The following PTPRH variants were observed in gnomAD, a reference collection of about 807,000 sequenced individuals.
PTPRH encodes the protein protein tyrosine phosphatase receptor type H, also known as receptor-type tyrosine-protein phosphatase H.
In PTPRH, 113 loss-of-function variants were observed where a neutral mutation model predicts 130.2. The observed-to-expected ratio is 0.87, with a 90% CI of 0.75 to 1.01. PTPRH has a LOEUF of 1.01. Ranked by LOEUF, PTPRH falls within the 50% of genes least tolerant of loss-of-function variation. PTPRH has a pLI of 0.00. For synonymous variants in PTPRH, 556 were observed against 577.9 expected, an observed-to-expected ratio of 0.96 and a Z score of 0.54; for missense variants, 1,430 against 1,425.0, an observed-to-expected ratio of 1.00 and a Z score of -0.06.
Position 55,181,787 on chromosome 19 carries a change from C to T in PTPRH, c.3315G>A (p.Val1105=). 6.2e-7 allele frequency: 1 copy of T among 1,614,162 alleles called. No individual in the cohort carries two copies. The highest frequency in any genetic ancestry group is 8.5e-7 in the Non-Finnish European group (1 of 1,180,038). The stretch of plus-strand genomic sequence containing the variant: ...CCAACTTGTGGGCCTGGATGGCGGC[C>T]ACGTTCTCGTAGATGAGGTTTTCGA... ...EDVENLIYEN[V]AAIQAHKLEV is the part of the protein sequence containing the mutation. The change falls in exon 20 of 20, where the codon GTG becomes GTA. Residue 1105 remains valine, a synonymous_variant. Coordinates refer to ENST00000376350, the MANE Select transcript of PTPRH (RefSeq NM_002842.5).
chr19:55,187,717 C>A, intron 13 of PTPRH, 114 bp from the exon 14 acceptor site: 1 of 755,808 alleles, frequency 1.3e-6, no homozygotes, highest in South Asian at 1.5e-5. Context: ...ATTCGTTGCA[C>A]CCTGAGATTA....
At chr19:55,206,323 C>G (rs544938048) in intron 3 of PTPRH, among the ~76,000 whole-genome samples, 68 of 136,854 alleles carry the variant, frequency 5.0e-4, no homozygotes, top group African/African-American at 9.6e-4. Context: ...CTTTTGTTTT[C>G]TTTTCTTTTT....
At chr19:55,191,793 T>C (rs2086545978) in intron 10 of PTPRH, 52 bp from the exon 11 acceptor site, 2 of 1,483,024 alleles carry the variant, frequency 1.3e-6, no homozygotes, top group Non-Finnish European at 1.9e-6. Context: ...GAGCTGCTCA[T>C]CTGTCTCCAA....
At chr19:55,197,562 G>C (rs946341351) in intron 8 of PTPRH, 146 bp from the exon 9 acceptor site, 1 of 743,138 alleles carries the variant, frequency 1.3e-6, no homozygotes, top group Non-Finnish European at 2.2e-6. Context: ...AAAGAGTCTA[G>C]ATACCCAAAG....
chr19:55,185,979 C>G lies in PTPRH; in HGVS notation c.2784G>C (p.Lys928Asn). The change falls in exon 17 of 20, where the codon AAG (lysine) becomes AAC (asparagine). Residue 928 changes from lysine to asparagine, a missense_variant. By Grantham distance (94) the Lys-to-Asn change is moderately conservative. Coordinates refer to ENST00000376350, the MANE Select transcript of PTPRH (RefSeq NM_002842.5). ...AGTCCAGAGGCCAGTAATGCTCACACTTCACCTGGGGGAGGAGGAGGGGTC... is the reference window on the plus strand; with the variant it reads ...AGTCCAGAGGCCAGTAATGCTCACAGTTCACCTGGGGGAGGAGGAGGGGTC... ...LTNCMEAGRV[K>N]CEHYWPLDSQ... The G allele has an allele frequency of 6.2e-7, 1 of 1,613,932 alleles. No homozygotes were observed. Among genetic ancestry groups the G allele is most frequent in the Non-Finnish European group, 8.5e-7 (1 of 1,179,888 alleles).
chr19:55,200,942 C>CA (rs1336770693), intron 6 of PTPRH, among the ~76,000 whole-genome samples: 18 of 117,976 alleles, frequency 1.5e-4, no homozygotes, highest in Admixed American at 5.5e-4. Context: ...GACTCCGTCT[C>CA]AAAACAAACA....
At position 55,202,279 on chromosome 19, in the gene PTPRH, G is replaced by A; in HGVS notation, c.930C>T (p.Asn310=). Residue 310 remains asparagine, a synonymous_variant, in exon 6 of 20, where the codon AAC becomes AAT. Coordinates refer to ENST00000376350, the MANE Select transcript of PTPRH (RefSeq NM_002842.5). Reference sequence around the variant, plus strand: ...CCTCCCAGGTCAGGGCGATGGAGCTGTTGGTCTGAGCCTCCACTGTCAGGT... The same window carrying A: ...CCTCCCAGGTCAGGGCGATGGAGCTATTGGTCTGAGCCTCCACTGTCAGGT... ...VRNLTVEAQT[N]SSIALTWEVP... 1 of 1,614,226 alleles carries A rather than the reference G, an allele frequency of 6.2e-7. No individual in the cohort carries two copies. The highest frequency in any genetic ancestry group is 8.5e-7 in the Non-Finnish European group (1 of 1,180,040).
intron 14 of PTPRH, 46 bp downstream of exon 14, chr19:55,187,467 G>T: frequency 1.3e-6 from 2 of 1,523,092 alleles, no homozygotes; most frequent in South Asian, 1.1e-5. Flanking sequence ...GTGGGGTGCC[G>T]ACTAGATCAG....
At chr19:55,185,792 G>A (rs1254695298) in intron 17 of PTPRH, 70 bp downstream of exon 17, 1 of 1,608,560 alleles carries the variant, frequency 6.2e-7, no homozygotes, top group Non-Finnish European at 8.5e-7. Context: ...GGAGTTGGTG[G>A]AGGGTCCTGG....
At chr19:55,194,298 C>T in intron 10 of PTPRH, 2 of 1,288,532 alleles carry the variant, frequency 1.6e-6, no homozygotes, top group Non-Finnish European at 2.0e-6. Flanking sequence ...TCTCAGCAAT[C>T]CTGGGAAGAG....
rs2086174832 is a variant in PTPRH, at chr19:55,181,698, A to C, written c.*56T>G. The C allele has an allele frequency of 1.2e-6, 2 of 1,606,610 alleles. No homozygotes were observed. Among genetic ancestry groups the C allele is most frequent in the Non-Finnish European group, 1.7e-6 (2 of 1,174,946 alleles). ...TCTGCTCTTCCAGGAATCTGGGCTCAAGTGGGTGTCCAGAGCTTGAGGATG... is the reference window on the plus strand; with the variant it reads ...TCTGCTCTTCCAGGAATCTGGGCTCCAGTGGGTGTCCAGAGCTTGAGGATG... On this transcript the variant is annotated 3_prime_UTR_variant, in exon 20 of 20. Coordinates refer to ENST00000376350, the MANE Select transcript of PTPRH (RefSeq NM_002842.5).
intron 10 of PTPRH, chr19:55,193,925 C>T (rs747152374): frequency 7.0e-5 from 20 of 285,954 alleles, no homozygotes; most frequent in East Asian, 1.2e-4. Context: ...CCCGGCTCAC[C>T]GCAACCTCCG....
intron 8 of PTPRH, 126 bp from the exon 9 acceptor site, chr19:55,197,542 G>T: frequency 1.1e-6 from 1 of 876,058 alleles, no homozygotes. Flanking sequence ...TAAGGAGGCT[G>T]AACCACAGGA....
At chr19:55,207,388 A>G (rs2087105446) in intron 1 of PTPRH, 189 bp from the exon 2 acceptor site, 2 of 611,842 alleles carry the variant, frequency 3.3e-6, no homozygotes, top group South Asian at 2.1e-5. Flanking sequence ...AAGGGGGAGC[A>G]TGGCAGGAGC....
intron 9 of PTPRH, 26 bp downstream of exon 9, chr19:55,197,091 C>G (rs376771068): frequency 8.1e-6 from 13 of 1,610,370 alleles, no homozygotes; most frequent in Non-Finnish European, 9.3e-6. Context: ...CAGTTCACCA[C>G]TTGAAGGCAG....
At chr19:55,198,986 G>A in intron 7 of PTPRH, 74 bp from the exon 8 acceptor site, 1 of 1,343,082 alleles carries the variant, frequency 7.4e-7, no homozygotes, top group Non-Finnish European at 9.7e-7. Context: ...GATACGCCCT[G>A]TCCTTGTGCA....
rs1433849493 is a variant in PTPRH at position 55,205,517 on chromosome 19, T to A, written c.428A>T (p.Asp143Val). Residue 143 changes from aspartate to valine, a missense_variant, in exon 4 of 20, where the codon GAC becomes GTC. Asp to Val is a radical substitution (Grantham distance 152, BLOSUM62 -3). Transcript: ENST00000376350. Reference sequence around the variant, plus strand: ...GGTGGAGTTCTGTGGGTCTGGGCCGTCGGGGACCTCCCAGGTCAGGGCGAT... The same window carrying A: ...GGTGGAGTTCTGTGGGTCTGGGCCGACGGGGACCTCCCAGGTCAGGGCGAT... ...SSIALTWEVP[D>V]GPDPQNSTYG... is the part of the protein sequence containing the mutation. 1 of 1,614,198 alleles carries A rather than the reference T, an allele frequency of 6.2e-7. No homozygotes were observed. The highest frequency in any genetic ancestry group is 1.1e-5 in the South Asian group (1 of 91,080).
Position 55,209,500 on chromosome 19 carries a change from T to A in PTPRH, c.-67A>T. The A allele has an allele frequency of 8.8e-7, 1 of 1,136,386 alleles. No individual in the cohort carries two copies. The highest frequency in any genetic ancestry group is 1.5e-5 in the African/African-American group (1 of 64,526). The allele number at this position is 1,136,386 out of a possible 1,614,324, so 70.4% of individuals were successfully genotyped here. On this transcript the variant is annotated 5_prime_UTR_variant, in exon 1 of 20. Coordinates refer to ENST00000376350, the MANE Select transcript of PTPRH (RefSeq NM_002842.5). The surrounding 1 kb of genome is among the most constrained non-coding windows in gnomAD (Gnocchi z 4.1). ...TCCTTCCACCTGCTGGACTTTACACTCAAGAATTTCCCCTTTACCAGATCA... is the reference window on the plus strand; with the variant it reads ...TCCTTCCACCTGCTGGACTTTACACACAAGAATTTCCCCTTTACCAGATCA...
chr19:55,193,712 G>T (rs2086605733), intron 10 of PTPRH, among the ~76,000 whole-genome samples: 1 of 152,180 alleles, frequency 6.6e-6, no homozygotes, highest in Non-Finnish European at 1.5e-5. Context: ...ACACTTTGCT[G>T]GTTGTGAAAT....
Sources: allele counts gnomAD v4.1 joint callset (sites outside exome capture counted in the v4.1 genomes callset), GRCh38; gene constraint gnomAD v4.1.1; non-coding constraint Gnocchi (gnomAD v3.1); transcripts MANE v1.5; gene names NCBI Gene and HGNC (gene_info 2026-07-23, HGNC 2026-07-21).